The following SLC44A5 variants were observed in gnomAD, a reference collection of about 807,000 sequenced individuals.
SLC44A5 encodes solute carrier family 44 member 5, also known as choline transporter-like protein 5.
Under a neutral mutation model 101.8 loss-of-function variants are expected in SLC44A5, and 57 were observed. That is an observed-to-expected ratio of 0.56 (90% CI 0.45 to 0.70). The LOEUF (loss-of-function observed/expected upper bound fraction) is 0.70. Among genes scored for constraint, SLC44A5 ranks in the 30% least tolerant of loss-of-function variants. The pLI, the probability that SLC44A5 is intolerant of heterozygous loss-of-function variation, is 0.00. For synonymous variants in SLC44A5, 281 were observed against 290.9 expected (o/e 0.97, Z 0.35); for missense variants, 737 against 853.1 (o/e 0.86, Z 1.70).
the SLC44A5 span, among the ~76,000 whole-genome samples, chr1:75,677,330 C>T: frequency 6.6e-6 from 1 of 151,962 alleles, no homozygotes; most frequent in Admixed American, 6.6e-5. Flanking sequence ...ATGGAAACAA[C>T]AAAAAGAAAA....
chr1:75,538,603 CTTCTTTTCGA>C (rs1671182484), intron 2 of SLC44A5, among the ~76,000 whole-genome samples: 1 of 152,164 alleles, frequency 6.6e-6, no homozygotes, highest in African/African-American at 2.4e-5. Context: ...ACTATAAAGG[CTTCTTTTCGA>C]TTACAGAAAT....
At chr1:75,270,121 A>T (rs181277579) in intron 6 of SLC44A5, among the ~76,000 whole-genome samples, 18 of 152,242 alleles carry the variant, frequency 1.2e-4, no homozygotes, top group Non-Finnish European at 1.2e-4. Flanking sequence ...TTCTTTACAT[A>T]TTACCCAGTC....
At chr1:75,349,121 G>A (rs569728763) in intron 3 of SLC44A5, among the ~76,000 whole-genome samples, 25 of 152,310 alleles carry the variant, frequency 1.6e-4, no homozygotes, top group South Asian at 6.2e-4. Context: ...AGGCCAAGGC[G>A]TGTGGATCAC....
At chr1:75,362,402 C>T (rs1050989038) in intron 3 of SLC44A5, among the ~76,000 whole-genome samples, 2 of 151,870 alleles carry the variant, frequency 1.3e-5, no homozygotes, top group East Asian at 3.9e-4. Flanking sequence ...GAACTCTCTT[C>T]TTTTTGGATA....
At chr1:75,499,219 A>G (rs954881715) in intron 2 of SLC44A5, among the ~76,000 whole-genome samples, 29 of 152,088 alleles carry the variant, frequency 1.9e-4, no homozygotes, top group African/African-American at 7.0e-4. Flanking sequence ...GTGGAAGACA[A>G]TTTTTCCATG....
intron 4 of SLC44A5, among the ~76,000 whole-genome samples, chr1:75,315,150 T>C (rs977177696): frequency 2.6e-5 from 4 of 152,128 alleles, no homozygotes; most frequent in Admixed American, 2.6e-4. Flanking sequence ...ATAGAAAAAG[T>C]TGAGTTAGGA....
At chr1:75,642,079 T>C in the SLC44A5 span, 1 of 1,249,570 alleles carries the variant, frequency 8.0e-7, no homozygotes, top group East Asian at 2.3e-5. Flanking sequence ...ATCTGGGGGC[T>C]TCACTAATTT....
At chr1:75,233,054 C>G (rs1647733779) in intron 12 of SLC44A5, among the ~76,000 whole-genome samples, 2 of 152,094 alleles carry the variant, frequency 1.3e-5, no homozygotes, top group South Asian at 4.1e-4. Flanking sequence ...TATATTGGCT[C>G]ATACCTTTTT....
Position 75,587,716 on chromosome 1 carries a change from G to A in SLC44A5, c.-70+23324C>T, listed in dbSNP as rs143608649. On this transcript the variant is annotated intron_variant, in intron 1 of 23. Transcript: ENST00000370859. ...TTTAAAACATTTTGCAATAAAGCCT[G>A]ATTGAAAGATAATGAAATGGCAACT... is the stretch of plus-strand genomic sequence containing the variant. Among the ~76,000 whole-genome samples the A allele has an allele frequency of 6.8e-4, 104 of 152,322 alleles. No individual in the cohort carries two copies. In the East Asian group the frequency reaches 7.0e-3, roughly 10 times the overall value.
chr1:75,429,784 C>G (rs1345947300), intron 2 of SLC44A5, among the ~76,000 whole-genome samples: 1 of 152,124 alleles, frequency 6.6e-6, no homozygotes, highest in Non-Finnish European at 1.5e-5. Context: ...TGAGAACTCA[C>G]TCATTACTGC....
At chr1:75,703,521 C>T in the SLC44A5 span, among the ~76,000 whole-genome samples, 8 of 136,304 alleles carry the variant, frequency 5.9e-5, no homozygotes, top group South Asian at 4.8e-4. Flanking sequence ...TGGGGTGGGG[C>T]GAGGGGGGAG....
chr1:75,362,542 AT>A (rs1325195487), intron 3 of SLC44A5, among the ~76,000 whole-genome samples: 1 of 151,948 alleles, frequency 6.6e-6, no homozygotes, highest in African/African-American at 2.4e-5. Flanking sequence ...CTTCTTGACT[AT>A]TGATAATCAA....
intron 2 of SLC44A5, among the ~76,000 whole-genome samples, chr1:75,507,887 C>A (rs968654591): frequency 6.6e-6 from 1 of 152,092 alleles, no homozygotes; most frequent in South Asian, 2.1e-4. Context: ...ACAAGTACTT[C>A]TAGGCCTACA....
intron 1 of SLC44A5, among the ~76,000 whole-genome samples, chr1:75,572,636 G>A (rs1180482101): frequency 6.6e-6 from 1 of 152,148 alleles, no homozygotes; most frequent in Admixed American, 6.5e-5. Context: ...GAGTTATAAT[G>A]TGTTTGTCTT....
the SLC44A5 span, among the ~76,000 whole-genome samples, chr1:75,678,087 T>C: frequency 6.6e-6 from 1 of 152,198 alleles, no homozygotes; most frequent in Non-Finnish European, 1.5e-5. Context: ...CGAGATTATA[T>C]CCTGCACCTG....
intron 6 of SLC44A5, among the ~76,000 whole-genome samples, chr1:75,263,128 A>G (rs773038715): frequency 2.0e-5 from 3 of 152,216 alleles, no homozygotes; most frequent in Non-Finnish European, 4.4e-5. Flanking sequence ...AAATTGACAA[A>G]TGGGGTCTAA....
At chr1:75,384,319 G>A (rs1217818155) in intron 3 of SLC44A5, among the ~76,000 whole-genome samples, 67 of 149,794 alleles carry the variant, frequency 4.5e-4, no homozygotes, top group African/African-American at 1.2e-3. Flanking sequence ...CCCATCTCAC[G>A]TGCAGAGACA....
chr1:75,555,238 T>C (rs1405898052), intron 1 of SLC44A5, among the ~76,000 whole-genome samples: 4 of 152,122 alleles, frequency 2.6e-5, no homozygotes, highest in Admixed American at 1.3e-4. Context: ...TTTATATTGA[T>C]AAAAATCAGA....
the SLC44A5 span, among the ~76,000 whole-genome samples, chr1:75,646,024 G>T: frequency 0.29 from 38,873 of 133,088 alleles, 11,782 homozygotes; most frequent in East Asian, 0.78. Context: ...ATGCTGTTTT[G>T]GTTACTGTAG....
Sources: gnomAD v4.1 joint callset for allele counts (sites outside exome capture counted in the v4.1 genomes callset) on GRCh38, gnomAD v4.1.1 for gene constraint, MANE v1.5 for transcripts, NCBI Gene and HGNC (gene_info 2026-07-23, HGNC 2026-07-21) for gene names.